RPS15A: variants seen among roughly 807,000 people sequenced by gnomAD.
RPS15A encodes ribosomal protein S15a.
For missense variants in RPS15A, 62 were observed against 163.4 expected, an observed-to-expected ratio of 0.38 and a Z score of 3.38; for synonymous variants, 55 against 58.5, an observed-to-expected ratio of 0.94 and a Z score of 0.27.
chr16:18,782,807 CTG>C lies in RPS15A; in HGVS notation c.*200_*201del, dbSNP rs1020732158. On this transcript the variant is annotated 3_prime_UTR_variant, in exon 5 of 5. Coordinates refer to ENST00000322989, the MANE Select transcript of RPS15A (RefSeq NM_001019.5). The stretch of plus-strand genomic sequence containing the variant: ...TGGTTTTGGCAGACAGCAGGGGTGA[CTG>C]TTTCTTAGGCATACTGGTTTCATAA... The C allele has an allele frequency of 4.3e-6, 2 of 468,846 alleles. No individual in the cohort carries two copies. Among genetic ancestry groups the C allele is most frequent in the Non-Finnish European group, 7.5e-6 (2 of 265,132 alleles). 29.0% of individuals were successfully genotyped at this position (468,846 alleles called of 1,614,324 possible). A position where few individuals can be genotyped will look rare whatever the true frequency, so the allele number is the denominator to read the frequency against.
At chr16:18,783,445 T>C (rs997845151) in intron 4 of RPS15A, 1 of 343,664 alleles carries the variant, frequency 2.9e-6, no homozygotes, top group South Asian at 2.6e-5. Context: ...TCGTATAAAC[T>C]TGAGTTTGAA....
At chr16:18,789,222 G>T in intron 1 of RPS15A, 104 bp from the exon 2 acceptor site, 1 of 1,211,592 alleles carries the variant, frequency 8.3e-7, no homozygotes, top group Non-Finnish European at 1.1e-6. Flanking sequence ...GCCCCACCTT[G>T]GCGAAGTTTT....
In RPS15A at chr16:18,782,712, ACT is replaced by A. The variant is rs898428988; in HGVS notation, c.*295_*296del. 1.3e-5 allele frequency: 3 copies of A among 224,716 alleles called. No individual in the cohort carries two copies. The highest frequency in any genetic ancestry group is 2.6e-5 in the Non-Finnish European group (3 of 114,704). 13.9% of individuals were successfully genotyped at this position (224,716 alleles called of 1,614,324 possible). A position where few individuals can be genotyped will look rare whatever the true frequency, so the allele number is the denominator to read the frequency against. On this transcript the variant is annotated 3_prime_UTR_variant, in exon 5 of 5. Transcript: ENST00000322989. Reference sequence around the variant, plus strand: ...ACTCCAGCCTGAGCAATAGAGTCAGACTCTGTCTCCAAAAAAGAAAAAAAAAA... The same window carrying A: ...ACTCCAGCCTGAGCAATAGAGTCAGACTGTCTCCAAAAAAGAAAAAAAAAA...
At chr16:18,784,512 C>T (rs372547210) in intron 4 of RPS15A, 49 of 437,350 alleles carry the variant, frequency 1.1e-4, no homozygotes, top group East Asian at 1.0e-3. Context: ...TCCCAAAATG[C>T]TAGGATCACA....
chr16:18,790,299 G>C lies in RPS15A; in HGVS notation c.-61C>G, dbSNP rs1336399607. On this transcript the variant is annotated 5_prime_UTR_variant, in exon 1 of 5. Coordinates refer to ENST00000322989, the MANE Select transcript of RPS15A (RefSeq NM_001019.5). Reference sequence around the variant, plus strand: ...CGGATGAAATTGGAGCTCTCAGAGAGTGCTACTCACCGGCGCGGAAAGATG... The same window carrying C: ...CGGATGAAATTGGAGCTCTCAGAGACTGCTACTCACCGGCGCGGAAAGATG... The C allele has an allele frequency of 3.9e-5, 6 of 152,380 alleles. No individual in the cohort carries two copies. Among genetic ancestry groups the C allele is most frequent in the South Asian group, 4.1e-4 (2 of 4,832 alleles). 9.4% of individuals were successfully genotyped at this position (152,380 alleles called of 1,614,324 possible). A position where few individuals can be genotyped will look rare whatever the true frequency, so the allele number is the denominator to read the frequency against.
rs564567708 is a variant in RPS15A at position 18,788,896 on chromosome 16, T to C, written c.133+85A>G. ...CGTTCTCAGGTATGACAGACATACT[T>C]TGGTCCCCCATAATTAATTTCTACA... is the stretch of plus-strand genomic sequence containing the variant. On this transcript the variant is annotated intron_variant, in intron 2 of 4. Transcript: ENST00000322989. 2.9e-6 allele frequency: 4 copies of C among 1,384,128 alleles called. No homozygotes were observed. The African/African-American group carries it at 5.7e-5, about 20-fold the overall frequency. The allele number at this position is 1,384,128 out of a possible 1,614,324, so 85.7% of individuals were successfully genotyped here.
Position 18,788,972 on chromosome 16 carries a change from CAG to C in RPS15A, c.133+7_133+8del, listed in dbSNP as rs912786585. On this transcript the variant is annotated splice_region_variant and intron_variant, in intron 2 of 4. Transcript: ENST00000322989. ...ATGAAAACATAAAACACAGCGGCAG[CAG>C]ACTTACCATGCTTCATCATCACAGT... 3.1e-6 allele frequency: 5 copies of C among 1,608,310 alleles called. No individual in the cohort carries two copies. The African/African-American group carries it at 6.7e-5, about 22-fold the overall frequency.
chr16:18,786,007 C>T (rs961143171), intron 3 of RPS15A: 2 of 152,332 alleles, frequency 1.3e-5, no homozygotes, highest in Admixed American at 6.5e-5. Context: ...TCAATTTCCA[C>T]GCTAAGGGTA....
intron 1 of RPS15A, 86 bp from the exon 2 acceptor site, chr16:18,789,204 C>G: frequency 7.4e-7 from 1 of 1,345,222 alleles, no homozygotes; most frequent in Non-Finnish European, 1.0e-6. Context: ...AGTATCCTTT[C>G]CTTTCTGGCC....
At chr16:18,789,156 T>C (rs548379814) in intron 1 of RPS15A, 38 bp from the exon 2 acceptor site, 6 of 1,584,498 alleles carry the variant, frequency 3.8e-6, no homozygotes, top group South Asian at 3.4e-5. Flanking sequence ...TTTACTGGCA[T>C]TGCCAACATC....
At chr16:18,783,144 C>A in intron 4 of RPS15A, 42 bp from the exon 5 acceptor site, 1 of 1,280,470 alleles carries the variant, frequency 7.8e-7, no homozygotes, top group South Asian at 1.2e-5. Flanking sequence ...TTTAATAGTT[C>A]AACATAGTGC....
chr16:18,788,750 CTT>C (rs1439982547), intron 2 of RPS15A: 2 of 477,076 alleles, frequency 4.2e-6, no homozygotes, highest in Non-Finnish European at 3.8e-6. Context: ...CTTTCAATGA[CTT>C]AGATTCATTT....
intron 4 of RPS15A, chr16:18,783,851 G>A (rs1021608338): frequency 5.3e-5 from 20 of 380,476 alleles, no homozygotes; most frequent in Non-Finnish European, 9.3e-5. Flanking sequence ...AAGATCTCAT[G>A]GCTTTAAAGC....
chr16:18,787,910 G>T (rs2029921750), intron 3 of RPS15A, 153 bp downstream of exon 3: 2 of 625,904 alleles, frequency 3.2e-6, no homozygotes, highest in Admixed American at 5.4e-5. Flanking sequence ...GAGAGCAAAT[G>T]AAGTTCCATG....
At chr16:18,786,357 G>A (rs550916131) in intron 3 of RPS15A, 7 of 158,028 alleles carry the variant, frequency 4.4e-5, no homozygotes, top group East Asian at 3.9e-4. Context: ...GTGAGACTCC[G>A]TCTCAAAAAA....
Position 18,788,236 on chromosome 16 carries a change from A to G in RPS15A, c.134-94T>C. On this transcript the variant is annotated intron_variant, in intron 2 of 4. Transcript: ENST00000322989. Reference sequence around the variant, plus strand: ...CTACTCAATTCTTCACTCTCCCATCACCTCAGTGACTGCTTCTCCAAAAAG... The same window carrying G: ...CTACTCAATTCTTCACTCTCCCATCGCCTCAGTGACTGCTTCTCCAAAAAG... 3 of 773,036 alleles carry G rather than the reference A, an allele frequency of 3.9e-6. No homozygotes were observed. In the South Asian group the frequency reaches 4.7e-5, roughly 12 times the overall value. The allele number at this position is 773,036 out of a possible 1,614,324, so 47.9% of individuals were successfully genotyped here.
rs1336002258 is a variant in RPS15A, at chr16:18,788,095, T to C, written c.181A>G (p.Ile61Val). The change falls in exon 3 of 5, where the codon ATT becomes GTT. Residue 61 changes from isoleucine to valine, a missense_variant. Coordinates refer to ENST00000322989, the MANE Select transcript of RPS15A (RefSeq NM_001019.5). ...AGCCTGCCTGTGAGGTTCACAACAA[T>C]TTTCCCAGCTCTGTGGTCATCAATG... ...EIIDDHRAGK[I>V]VVNLTGRLNK... 6.2e-7 allele frequency: 1 copy of C among 1,612,446 alleles called. No individual in the cohort carries two copies. Among genetic ancestry groups the C allele is most frequent in the Admixed American group, 1.7e-5 (1 of 60,014 alleles).
chr16:18,789,159 C>G, intron 1 of RPS15A, 41 bp from the exon 2 acceptor site: 1 of 1,577,980 alleles, frequency 6.3e-7, no homozygotes, highest in Non-Finnish European at 8.6e-7. Flanking sequence ...ACTGGCATTG[C>G]CAACATCAAC....
rs1165694811 is a variant in RPS15A at position 18,781,891 on chromosome 16, CAG to C, written c.*1116_*1117del. 1.4e-5 allele frequency: 2 copies of C among 148,040 alleles called. No individual in the cohort carries two copies. The highest frequency in any genetic ancestry group is 3.0e-5 in the Non-Finnish European group (2 of 66,832). 9.2% of individuals were successfully genotyped at this position (148,040 alleles called of 1,614,324 possible). On this transcript the variant is annotated 3_prime_UTR_variant, in exon 5 of 5. Coordinates refer to ENST00000322989, the MANE Select transcript of RPS15A (RefSeq NM_001019.5). ...ACCACCTAGCTAGCCAAGGGCAAAG[CAG>C]AGACTAGGGGACAGGCCCCAGCACC... is the stretch of plus-strand genomic sequence containing the variant.
Sources: allele counts gnomAD v4.1 joint callset, GRCh38; gene constraint gnomAD v4.1.1; transcripts MANE v1.5; gene names NCBI Gene and HGNC (gene_info 2026-07-23, HGNC 2026-07-21).